Variants in PSD2 observed in about 807,000 individuals in gnomAD.
The protein encoded by PSD2 is PH and SEC7 domain-containing protein 2.
A neutral mutation model predicts 69.8 loss-of-function variants in PSD2; 38 were observed. That is an observed-to-expected ratio of 0.54 (90% CI 0.42 to 0.71). The LOEUF is 0.71. Among genes scored for constraint, PSD2 ranks in the 30% least tolerant of loss-of-function variants. The pLI, the probability that PSD2 is intolerant of heterozygous loss-of-function variation, is 0.00. For missense variants in PSD2, 943 were observed against 1,014.5 expected, an observed-to-expected ratio of 0.93 and a Z score of 0.96; for synonymous variants, 412 against 423.0, an observed-to-expected ratio of 0.97 and a Z score of 0.32.
the PSD2 span, among the ~76,000 whole-genome samples, chr5:139,778,073 C>T: frequency 6.6e-6 from 1 of 152,172 alleles, no homozygotes; most frequent in East Asian, 1.9e-4. Flanking sequence ...GTGCTGGCCC[C>T]CTAGGAAAGT....
intron 8 of PSD2, 97 bp from the exon 9 acceptor site, chr5:139,835,626 A>G: frequency 7.8e-7 from 1 of 1,281,332 alleles, no homozygotes; most frequent in Admixed American, 1.7e-5. Context: ...CATTGGCTGA[A>G]AAGGTGCTCC....
In PSD2 at chr5:139,837,208, G is replaced by A; in HGVS notation, c.1635G>A (p.Val545=). 6.2e-7 allele frequency: 1 copy of A among 1,614,026 alleles called. No individual in the cohort carries two copies. The highest frequency in any genetic ancestry group is 8.5e-7 in the Non-Finnish European group (1 of 1,179,912). Residue 545 remains valine, a synonymous_variant, in exon 11 of 15, where the codon GTG becomes GTA. Transcript: ENST00000274710. This position sits in a 1 kb window ranked among gnomAD's most constrained non-coding sequence, Gnocchi z 5.0. ...GTGGCTGGAAGAAATTCTACGCAGTGCTCAAAGGGACCATCCTGTACCTGC... is the reference window on the plus strand; with the variant it reads ...GTGGCTGGAAGAAATTCTACGCAGTACTCAAAGGGACCATCCTGTACCTGC... ...GRRGWKKFYA[V]LKGTILYLQK...
In PSD2 at chr5:139,837,080, A is replaced by G; in HGVS notation, c.1594+79A>G. ...CGCCACGGGCCACTCTTTGGGGACG[A>G]ACATACAGGTGGACACGTAGTGGGA... On this transcript the variant is annotated intron_variant, in intron 10 of 14. Transcript: ENST00000274710. This position sits in a 1 kb window ranked among gnomAD's most constrained non-coding sequence, Gnocchi z 5.0. 1 of 1,595,496 alleles carries G rather than the reference A, an allele frequency of 6.3e-7. No individual in the cohort carries two copies. The highest frequency in any genetic ancestry group is 2.2e-5 in the East Asian group (1 of 44,658).
At chr5:139,826,186 A>C (rs1581730303) in intron 7 of PSD2, among the ~76,000 whole-genome samples, 1 of 152,186 alleles carries the variant, frequency 6.6e-6, no homozygotes, top group African/African-American at 2.4e-5. Context: ...TGGAGTGGAG[A>C]GGACAGATGC....
chr5:139,825,641 C>A (rs1169069777), intron 7 of PSD2, among the ~76,000 whole-genome samples: 4 of 129,636 alleles, frequency 3.1e-5, no homozygotes, highest in East Asian at 2.2e-4. Context: ...ATGTGGCTAG[C>A]TGGGGGTGCC....
the PSD2 span, among the ~76,000 whole-genome samples, chr5:139,781,854 G>A: frequency 4.6e-5 from 7 of 151,700 alleles, no homozygotes; most frequent in Non-Finnish European, 7.4e-5. Flanking sequence ...GGCTGGTCTC[G>A]AACTCCTGAC....
chr5:139,784,977 T>G, the PSD2 span, among the ~76,000 whole-genome samples: 1 of 152,096 alleles, frequency 6.6e-6, no homozygotes, highest in Non-Finnish European at 1.5e-5. Context: ...CAGGCTGGTC[T>G]CAAACTCCTG....
At position 139,842,686 on chromosome 5, in the gene PSD2, C is replaced by T. The variant is rs1760905979; in HGVS notation, c.*212C>T. ...CATCTCCGGGCATCAGACCCTCTCCCTGGCCCTTGTTTTCCTCTCCACCAT... is the reference window on the plus strand; with the variant it reads ...CATCTCCGGGCATCAGACCCTCTCCTTGGCCCTTGTTTTCCTCTCCACCAT... On this transcript the variant is annotated 3_prime_UTR_variant, in exon 15 of 15. Coordinates refer to ENST00000274710, the MANE Select transcript of PSD2 (RefSeq NM_032289.4). 1.1e-5 allele frequency: 6 copies of T among 568,542 alleles called. No homozygotes were observed. Among genetic ancestry groups the T allele is most frequent in the South Asian group, 2.3e-5 (1 of 44,040 alleles). 35.2% of individuals were successfully genotyped at this position (568,542 alleles called of 1,614,324 possible). A position where few individuals can be genotyped will look rare whatever the true frequency, so the allele number is the denominator to read the frequency against.
the PSD2 span, among the ~76,000 whole-genome samples, chr5:139,778,488 C>T: frequency 1.3e-5 from 2 of 152,354 alleles, no homozygotes; most frequent in East Asian, 3.9e-4. Context: ...TACTCCAGTG[C>T]ATAAAGACAC....
the PSD2 span, among the ~76,000 whole-genome samples, chr5:139,757,701 A>G: frequency 6.6e-6 from 1 of 152,194 alleles, no homozygotes; most frequent in Non-Finnish European, 1.5e-5. Flanking sequence ...ACGTATACAT[A>G]ATATATGCTT....
At chr5:139,754,525 C>T in the PSD2 span, among the ~76,000 whole-genome samples, 1 of 112,378 alleles carries the variant, frequency 8.9e-6, no homozygotes, top group Non-Finnish European at 1.8e-5. Context: ...GAGACCTTGT[C>T]TCTACTAAAA....
chr5:139,804,924 CG>C (rs1222077204), intron 1 of PSD2, among the ~76,000 whole-genome samples: 2 of 147,158 alleles, frequency 1.4e-5, no homozygotes, highest in South Asian at 2.2e-4. Flanking sequence ...TGTCTGTGAA[CG>C]TGTGTGTGCA....
At chr5:139,816,679 G>A (rs1581722279) in intron 4 of PSD2, among the ~76,000 whole-genome samples, 1 of 152,164 alleles carries the variant, frequency 6.6e-6, no homozygotes, top group East Asian at 1.9e-4. Flanking sequence ...GTCTTCGTTG[G>A]CCTGCAGGAC....
chr5:139,825,875 TG>T (rs1480943039), intron 7 of PSD2, among the ~76,000 whole-genome samples: 1 of 152,188 alleles, frequency 6.6e-6, no homozygotes, highest in African/African-American at 2.4e-5. Context: ...CTGATTGCCA[TG>T]TCCCTGCAGA....
At chr5:139,775,327 G>T in the PSD2 span, 2 of 152,386 alleles carry the variant, frequency 1.3e-5, no homozygotes, top group African/African-American at 4.8e-5. Flanking sequence ...GCTATGAGAG[G>T]AGGGAGGGCG....
chr5:139,821,404 C>G (rs1336605689), intron 5 of PSD2, among the ~76,000 whole-genome samples: 1 of 152,112 alleles, frequency 6.6e-6, no homozygotes, highest in Non-Finnish European at 1.5e-5. Context: ...AACAAACCAT[C>G]AGGATTTGGT....
At chr5:139,792,745 C>T (rs920837774), upstream of PSD2, among the ~76,000 whole-genome samples, 1 of 151,026 alleles carries the variant, frequency 6.6e-6, no homozygotes, top group Non-Finnish European at 1.5e-5. Context: ...TTTCTTTTTT[C>T]TTTCTTTCTT....
At chr5:139,802,433 T>A (rs1211705986) in intron 1 of PSD2, among the ~76,000 whole-genome samples, 1 of 151,546 alleles carries the variant, frequency 6.6e-6, no homozygotes, top group East Asian at 2.0e-4. Context: ...GTTGGGAGGA[T>A]TTGCACTTGG....
In PSD2 at chr5:139,839,998, G is replaced by C; in HGVS notation, c.1969-29G>C. On this transcript the variant is annotated intron_variant, in intron 13 of 14. Coordinates refer to ENST00000274710, the MANE Select transcript of PSD2 (RefSeq NM_032289.4). This position sits in a 1 kb window ranked among gnomAD's most constrained non-coding sequence, Gnocchi z 5.1. ...CACTCCGTGACATCCTGAGAGTAAGGCCTCACAGTCCAGGATTTGTCTTTG... is the reference window on the plus strand; with the variant it reads ...CACTCCGTGACATCCTGAGAGTAAGCCCTCACAGTCCAGGATTTGTCTTTG... The C allele has an allele frequency of 6.2e-7, 1 of 1,613,366 alleles. No individual in the cohort carries two copies. The highest frequency in any genetic ancestry group is 8.5e-7 in the Non-Finnish European group (1 of 1,179,478).
Sources: gnomAD v4.1 joint callset for allele counts (sites outside exome capture counted in the v4.1 genomes callset) on GRCh38, gnomAD v4.1.1 for gene constraint, Gnocchi (gnomAD v3.1) non-coding constraint, MANE v1.5 for transcripts, NCBI Gene and HGNC (gene_info 2026-07-23, HGNC 2026-07-21) for gene names.